Variants in RIPOR3 observed in about 807,000 individuals in gnomAD.
RIPOR3 encodes the protein family with sequence similarity 65 member C.
A neutral mutation model predicts 114.3 loss-of-function variants in RIPOR3; 95 were observed. That is an observed-to-expected ratio of 0.83 (90% confidence interval 0.70 to 0.99). The LOEUF (loss-of-function observed/expected upper bound fraction) is 0.99. RIPOR3 is among the 50% of genes least tolerant of loss of function. The probability of loss-of-function intolerance (pLI) is 0.00; values close to 1 mark genes in which losing one functional copy is unlikely to be tolerated. For missense variants in RIPOR3, 1,252 were observed against 1,266.9 expected (o/e 0.99, Z 0.18); for synonymous variants, 575 against 543.8 (o/e 1.06, Z -0.80).
intron 1 of RIPOR3, among the ~76,000 whole-genome samples, chr20:50,663,027 G>A (rs1600713427): frequency 2.6e-5 from 4 of 151,438 alleles, no homozygotes; most frequent in Admixed American, 2.0e-4. Context: ...AACCGGGGAG[G>A]TGGAGGTTGC....
intron 1 of RIPOR3, among the ~76,000 whole-genome samples, chr20:50,674,429 A>G (rs757673383): frequency 3.3e-5 from 5 of 151,962 alleles, no homozygotes; most frequent in Non-Finnish European, 7.4e-5. Context: ...TGCCCAGGAC[A>G]TAGTATGCAC....
rs140418486 is a variant in RIPOR3, at chr20:50,602,267, C to T, written c.1464G>A (p.Leu488=). ...TACTCGAGGCTGTGCCGCTGTGGAACAGGGAGCCCTGTGGCAGGCTGGGGC... is the reference window on the plus strand; with the variant it reads ...TACTCGAGGCTGTGCCGCTGTGGAATAGGGAGCCCTGTGGCAGGCTGGGGC... The part of the protein sequence containing the change: ...GESPSLPQGS[L]FHSGTASSSQ... Residue 488 remains leucine, a synonymous_variant, in exon 13 of 22, where the codon CTG becomes CTA. Coordinates refer to ENST00000327979, the MANE Select transcript of RIPOR3 (RefSeq NM_001290268.2). This position sits in a 1 kb window ranked among gnomAD's most constrained non-coding sequence, Gnocchi z 4.3. 27 of 1,613,910 alleles carry T rather than the reference C, an allele frequency of 1.7e-5. No homozygotes were observed. The highest frequency in any genetic ancestry group is 2.2e-5 in the Non-Finnish European group (26 of 1,179,976).
intron 13 of RIPOR3, among the ~76,000 whole-genome samples, chr20:50,600,588 G>A (rs528458772): frequency 2.6e-5 from 4 of 151,970 alleles, no homozygotes; most frequent in African/African-American, 9.7e-5. Flanking sequence ...GTGAGAACTC[G>A]TCTCTATAAA....
intron 19 of RIPOR3, among the ~76,000 whole-genome samples, chr20:50,591,785 A>C (rs2083116784): frequency 6.6e-6 from 1 of 152,216 alleles, no homozygotes; most frequent in South Asian, 2.1e-4. Flanking sequence ...ATTGAAAGTA[A>C]ATAAGGATGA....
At chr20:50,636,725 C>G (rs1185984829) in intron 1 of RIPOR3, 1 of 985,516 alleles carries the variant, frequency 1.0e-6, no homozygotes, top group Admixed American at 6.1e-5. Context: ...GGGGACTGTC[C>G]TGGGCCTCCG....
intron 1 of RIPOR3, among the ~76,000 whole-genome samples, chr20:50,661,624 G>T (rs2085998891): frequency 6.6e-6 from 1 of 152,164 alleles, no homozygotes; most frequent in Non-Finnish European, 1.5e-5. Context: ...AGGCTTAGCT[G>T]CAGGAACACG....
intron 4 of RIPOR3, among the ~76,000 whole-genome samples, chr20:50,611,710 C>T (rs942220609): frequency 3.9e-5 from 6 of 152,112 alleles, no homozygotes; most frequent in Non-Finnish European, 5.9e-5. Context: ...GGCCAGGGTG[C>T]GACCAACACA....
intron 1 of RIPOR3, among the ~76,000 whole-genome samples, chr20:50,676,292 GTA>G (rs1341963447): frequency 6.6e-6 from 1 of 152,122 alleles, no homozygotes; most frequent in Non-Finnish European, 1.5e-5. Context: ...GCTGTGTCAC[GTA>G]CTTGCCATGG....
Position 50,602,831 on chromosome 20 carries a change from C to A in RIPOR3, c.1087-187G>T, listed in dbSNP as rs746064951. Among the ~76,000 whole-genome samples, 4 of 152,200 alleles carry A rather than the reference C, an allele frequency of 2.6e-5. No individual in the cohort carries two copies. Among genetic ancestry groups the A allele is most frequent in the Non-Finnish European group, 4.4e-5 (3 of 68,034 alleles). Reference sequence around the variant, plus strand: ...CTGTCCCCTCTCTGCACTTATCCCCCATCCCGCCTCCAACTCACTCCCCCC... The same window carrying A: ...CTGTCCCCTCTCTGCACTTATCCCCAATCCCGCCTCCAACTCACTCCCCCC... On this transcript the variant is annotated intron_variant, in intron 12 of 21. Coordinates refer to ENST00000327979, the MANE Select transcript of RIPOR3 (RefSeq NM_001290268.2). The surrounding 1 kb of genome is among the most constrained non-coding windows in gnomAD (Gnocchi z 4.3).
At chr20:50,682,598 C>A (rs1205460496) in intron 1 of RIPOR3, among the ~76,000 whole-genome samples, 2 of 18,944 alleles carry the variant, frequency 1.1e-4, no homozygotes, top group East Asian at 0.018. Context: ...CAGAGTGAGA[C>A]CCTGTCTCAA....
rs139558096 is a variant in RIPOR3 at position 50,666,139 on chromosome 20, A to G, written c.3+24987T>C. ...AGGGCCTTATATACATTTTTCTTCA[A>G]TTCAGCCAAGACAAGAGGCCTAGAA... is the stretch of plus-strand genomic sequence containing the variant. On this transcript the variant is annotated intron_variant, in intron 1 of 21. Coordinates refer to ENST00000327979, the MANE Select transcript of RIPOR3 (RefSeq NM_001290268.2). Among the ~76,000 whole-genome samples, 511 of 121,764 alleles carry G rather than the reference A, an allele frequency of 4.2e-3. 8 individuals are homozygous for G. Among genetic ancestry groups the G allele is most frequent in the African/African-American group, 0.013 (478 of 37,044 alleles). The allele number at this position is 121,764 out of a possible 152,430, so 79.9% of individuals were successfully genotyped here. A position where few individuals can be genotyped will look rare whatever the true frequency, so the allele number is the denominator to read the frequency against.
intron 14 of RIPOR3, 187 bp downstream of exon 14, chr20:50,597,393 A>G: frequency 1.2e-6 from 1 of 817,824 alleles, no homozygotes; most frequent in Non-Finnish European, 1.9e-6. Context: ...GTGGTCTCTG[A>G]GGACCGGCTC....
chr20:50,641,650 TC>T (rs2085201141), intron 1 of RIPOR3, among the ~76,000 whole-genome samples: 2 of 152,128 alleles, frequency 1.3e-5, no homozygotes, highest in African/African-American at 4.8e-5. Context: ...TGGGAATCTG[TC>T]CCCAGCCACC....
At chr20:50,666,198 T>TTTCCTTTCCTTTCCTTTCC (rs1491442935) in intron 1 of RIPOR3, among the ~76,000 whole-genome samples, 1 of 96,718 alleles carries the variant, frequency 1.0e-5, no homozygotes. Context: ...TTTTCTTTTC[T>TTTCCTTTCCTTTCCTTTCC]TTTCTTTTCT....
intron 1 of RIPOR3, among the ~76,000 whole-genome samples, chr20:50,658,355 A>G (rs2085886356): frequency 6.6e-6 from 1 of 152,206 alleles, no homozygotes; most frequent in African/African-American, 2.4e-5. Context: ...ACACAAGGAC[A>G]AGTGATGTAT....
chr20:50,615,108 A>AGCGTGT (rs74175509), intron 4 of RIPOR3, among the ~76,000 whole-genome samples: 1 of 138,414 alleles, frequency 7.2e-6, no homozygotes, highest in Admixed American at 7.4e-5. Flanking sequence ...GCTATTTGTG[A>AGCGTGT]GTGTGTGTGT....
At chr20:50,629,939 C>T (rs1224856806) in intron 2 of RIPOR3, among the ~76,000 whole-genome samples, 1 of 152,088 alleles carries the variant, frequency 6.6e-6, no homozygotes, top group South Asian at 2.1e-4. Context: ...CTATCTGAGC[C>T]TCTGGTTTTT....
rs569081927 is a variant in RIPOR3, at chr20:50,643,460, G to A, written c.4-12604C>T. ...CCAAATCCCACCACTTTGGGAGGCCGAGGTGGGAAGACCGCTTAAAGCCAG... is the reference window on the plus strand; with the variant it reads ...CCAAATCCCACCACTTTGGGAGGCCAAGGTGGGAAGACCGCTTAAAGCCAG... On this transcript the variant is annotated intron_variant, in intron 1 of 21. Coordinates refer to ENST00000327979, the MANE Select transcript of RIPOR3 (RefSeq NM_001290268.2). 6.0e-5 allele frequency among the ~76,000 whole-genome samples: 9 copies of A among 151,140 alleles called. No homozygotes were observed. In the East Asian group the frequency reaches 1.0e-3, roughly 17 times the overall value.
chr20:50,608,733 G>A lies in RIPOR3; in HGVS notation c.690C>T (p.Leu230=), dbSNP rs573936362. ...TCCAACGCTGGCGGCCCAGACGCAT[G>A]AGCACCTGTGAACCAGCCCGAGAGG... is the stretch of plus-strand genomic sequence containing the variant. ...RLCPGDHYEV[L]MRLGRQRWKL... is the part of the protein sequence containing the mutation. Residue 230 remains leucine (L), a synonymous_variant, in exon 10 of 22, where the codon CTC becomes CTT. Coordinates refer to ENST00000327979, the MANE Select transcript of RIPOR3 (RefSeq NM_001290268.2). 5.6e-6 allele frequency: 9 copies of A among 1,613,996 alleles called. No individual in the cohort carries two copies. Among genetic ancestry groups the A allele is most frequent in the Non-Finnish European group, 7.6e-6 (9 of 1,179,926 alleles).
Sources: allele counts gnomAD v4.1 joint callset (sites outside exome capture counted in the v4.1 genomes callset), GRCh38; gene constraint gnomAD v4.1.1; non-coding constraint Gnocchi (gnomAD v3.1); transcripts MANE v1.5; gene names NCBI Gene and HGNC (gene_info 2026-07-23, HGNC 2026-07-21).